NFATC1: variants seen among roughly 807,000 people sequenced by gnomAD.
NFATC1 encodes the protein nuclear factor of activated T cells 1.
A neutral mutation model predicts 76.0 loss-of-function variants in NFATC1; 22 were observed. The ratio of observed to expected loss-of-function variants is 0.29; its 90% CI spans 0.21 to 0.41. The LOEUF is 0.41. Among genes scored for constraint, NFATC1 ranks in the 10% least tolerant of loss-of-function variants. NFATC1 has a pLI of 1.00. For synonymous variants in NFATC1, 704 were observed against 613.1 expected (o/e 1.15, Z -2.19); for missense variants, 1,357 against 1,337.7 (o/e 1.01, Z -0.23).
intron 2 of NFATC1, among the ~76,000 whole-genome samples, chr18:79,426,367 C>A (rs2086333623): frequency 6.6e-6 from 1 of 152,194 alleles, no homozygotes; most frequent in Non-Finnish European, 1.5e-5. Context: ...AACGGCTCCT[C>A]CCGTGGAAAG....
intron 8 of NFATC1, among the ~76,000 whole-genome samples, chr18:79,480,966 T>C (rs1212176235): frequency 6.6e-6 from 1 of 152,208 alleles, no homozygotes; most frequent in Non-Finnish European, 1.5e-5. Flanking sequence ...ACTCTGAAAA[T>C]TACCAGCCTA....
intron 3 of NFATC1, among the ~76,000 whole-genome samples, chr18:79,433,985 G>A (rs1045534456): frequency 3.9e-5 from 6 of 152,252 alleles, no homozygotes; most frequent in East Asian, 1.9e-4. Context: ...TCTCGTATCC[G>A]TGGATGCTGC....
At chr18:79,405,532 G>A (rs753037552) in intron 1 of NFATC1, among the ~76,000 whole-genome samples, 6 of 152,246 alleles carry the variant, frequency 3.9e-5, no homozygotes, top group South Asian at 2.1e-4. Context: ...ATTGGGAGCT[G>A]GGAGGGAGGG....
chr18:79,434,353 G>A (rs73494227), intron 3 of NFATC1, among the ~76,000 whole-genome samples: 2,638 of 152,324 alleles, frequency 0.017, 77 homozygotes, highest in African/African-American at 0.059. Flanking sequence ...CACACCTTGC[G>A]GGAAAGCCAC....
At chr18:79,444,677 C>T (rs897073771) in intron 3 of NFATC1, among the ~76,000 whole-genome samples, 1 of 151,372 alleles carries the variant, frequency 6.6e-6, no homozygotes. Flanking sequence ...CTGTGGGCAC[C>T]CACGTGCCCG....
intron 8 of NFATC1, chr18:79,468,646 G>A (rs1271952902): frequency 6.6e-6 from 1 of 152,244 alleles, no homozygotes; most frequent in Non-Finnish European, 1.5e-5. Flanking sequence ...TAATAGACCA[G>A]ATCCTAAGGA....
Position 79,411,272 on chromosome 18 carries a change from G to C in NFATC1, c.997G>C (p.Val333Leu). 1.2e-6 allele frequency: 2 copies of C among 1,603,218 alleles called. No homozygotes were observed. The highest frequency in any genetic ancestry group is 1.7e-6 in the Non-Finnish European group (2 of 1,179,718). Residue 333 changes from valine to leucine, a missense_variant, in exon 2 of 10, where the codon GTC becomes CTC. By Grantham distance (32) the Val-to-Leu change is conservative (BLOSUM62 1). Around this residue, in one of 3 missense-constraint regions of NFATC1, gnomAD observed 691 missense variants for 613.1 expected, o/e 1.13. Transcript: ENST00000427363. ...CCTGGACCTGGGAGATGGCGTCCCT[G>C]TCAAGTCCCGCAAGACCACCCTGGA... The part of the protein sequence containing the change: ...SSLDLGDGVP[V>L]KSRKTTLEQP...
At chr18:79,481,275 G>A (rs2089262132) in intron 8 of NFATC1, among the ~76,000 whole-genome samples, 1 of 152,244 alleles carries the variant, frequency 6.6e-6, no homozygotes, top group African/African-American at 2.4e-5. Context: ...GGGCGCCATG[G>A]CCTAAGGCAA....
Position 79,411,354 on chromosome 18 carries a change from C to T in NFATC1, c.1079C>T (p.Pro360Leu), listed in dbSNP as rs1184280843. The change falls in exon 2 of 10, where the codon CCC becomes CTC. Residue 360 changes from proline to leucine, a missense_variant. Physicochemically the swap from Pro to Leu is moderately conservative, Grantham distance 98. This residue lies in a region of NFATC1 where 691 missense variants were observed against 613.1 expected (regional missense o/e 1.13). Transcript: ENST00000427363. ...VEPVGEDLGS[P>L]PPPADFAPED... The stretch of plus-strand genomic sequence containing the variant: ...CCCGTCGGGGAGGACCTGGGCAGCC[C>T]CCCGCCCCCGGCCGACTTCGCGCCC... 2.5e-6 allele frequency: 4 copies of T among 1,591,138 alleles called. No individual in the cohort carries two copies. Among genetic ancestry groups the T allele is most frequent in the African/African-American group, 2.7e-5 (2 of 74,274 alleles).
chr18:79,469,860 G>A (rs11661940), intron 8 of NFATC1: 55,323 of 985,518 alleles, frequency 0.056, 1,699 homozygotes, highest in Middle Eastern at 0.091. Context: ...ACCCCACCTG[G>A]TCCTGGGGGC....
chr18:79,505,812 G>A (rs62096918), intron 9 of NFATC1, among the ~76,000 whole-genome samples: 20 of 144,210 alleles, frequency 1.4e-4, no homozygotes, highest in Middle Eastern at 3.6e-3. Flanking sequence ...GGAGGAGGTG[G>A]TGCTGGAGGC....
Position 79,396,146 on chromosome 18 carries a change from G to C in NFATC1, c.-79G>C. 1 of 1,327,014 alleles carries C rather than the reference G, an allele frequency of 7.5e-7. No individual in the cohort carries two copies. The highest frequency in any genetic ancestry group is 9.8e-7 in the Non-Finnish European group (1 of 1,024,992). The allele number at this position is 1,327,014 out of a possible 1,614,324, so 82.2% of individuals were successfully genotyped here. A position where few individuals can be genotyped will look rare whatever the true frequency, so the allele number is the denominator to read the frequency against. ...CCGGGGCGAGGGCTGTCTTCCCGGA[G>C]ACCCGACCCCGGCAGCGCGGGGCGG... On this transcript the variant is annotated 5_prime_UTR_variant, in exon 1 of 10. Coordinates refer to ENST00000427363, the MANE Select transcript of NFATC1 (RefSeq NM_001278669.2).
chr18:79,415,529 G>A (rs2085848825), intron 2 of NFATC1, among the ~76,000 whole-genome samples: 3 of 151,904 alleles, frequency 2.0e-5, no homozygotes, highest in Admixed American at 6.5e-5. Flanking sequence ...TGATCCACCC[G>A]CCTCGGCCTC....
At chr18:79,404,622 T>A (rs1260156348) in intron 1 of NFATC1, among the ~76,000 whole-genome samples, 1 of 152,358 alleles carries the variant, frequency 6.6e-6, no homozygotes, top group East Asian at 1.9e-4. Context: ...GAAGGGAATG[T>A]TCCTTAAAAT....
At chr18:79,405,600 G>T (rs1185566973) in intron 1 of NFATC1, among the ~76,000 whole-genome samples, 2 of 152,216 alleles carry the variant, frequency 1.3e-5, no homozygotes, top group Non-Finnish European at 2.9e-5. Flanking sequence ...GGGGCAGCTT[G>T]ACCCCACACC....
At position 79,448,973 on chromosome 18, in the gene NFATC1, C is replaced by T. The variant is rs1386071899; in HGVS notation, c.1578C>T (p.Ser526=). ...AGATCCCACTCCTGCCGGAGAACAG[C>T]ATGCGAGCCGTGTAAGCCGCGGGGG... ...VLEIPLLPEN[S]MRAVIDCAGI... is the part of the protein sequence containing the mutation. The change falls in exon 4 of 10, where the codon AGC becomes AGT. Residue 526 remains serine, a synonymous_variant. Coordinates refer to ENST00000427363, the MANE Select transcript of NFATC1 (RefSeq NM_001278669.2). 1 of 1,613,184 alleles carries T rather than the reference C, an allele frequency of 6.2e-7. No individual in the cohort carries two copies. The highest frequency in any genetic ancestry group is 1.3e-5 in the African/African-American group (1 of 75,072).
intron 9 of NFATC1, among the ~76,000 whole-genome samples, chr18:79,520,309 G>A (rs1484631774): frequency 6.6e-6 from 1 of 151,944 alleles, no homozygotes; most frequent in African/African-American, 2.4e-5. Context: ...GGGACTCGGT[G>A]TGTCTCGGTG....
rs111171567 is a variant in NFATC1 at position 79,425,065 on chromosome 18, G to C, written c.1227-8514G>C. On this transcript the variant is annotated intron_variant, in intron 2 of 9. Transcript: ENST00000427363. ...TCTCTCCGTCTCTGTTTCTCTCTCT[G>C]TTTCTCTCTCTGTCTCTCCATCTCT... is the stretch of plus-strand genomic sequence containing the variant. Among the ~76,000 whole-genome samples, 104 of 125,896 alleles carry C rather than the reference G, an allele frequency of 8.3e-4. 1 individual carries two copies. The highest frequency in any genetic ancestry group is 3.0e-3 in the African/African-American group (92 of 31,036). 82.6% of individuals were successfully genotyped at this position (125,896 alleles called of 152,430 possible).
At chr18:79,471,825 A>T (rs886317123) in intron 8 of NFATC1, among the ~76,000 whole-genome samples, 2 of 152,196 alleles carry the variant, frequency 1.3e-5, no homozygotes, top group Non-Finnish European at 2.9e-5. Context: ...GGGGTCCTTC[A>T]CCAGGGGTGG....
Sources: allele counts gnomAD v4.1 joint callset (sites outside exome capture counted in the v4.1 genomes callset), GRCh38; gene constraint gnomAD v4.1.1; regional missense constraint gnomAD v4.1.1; transcripts MANE v1.5; gene names NCBI Gene and HGNC (gene_info 2026-07-23, HGNC 2026-07-21).